VPS50: variants seen among roughly 807,000 people sequenced by gnomAD.
VPS50 encodes the protein syndetin.
In VPS50, 70 loss-of-function variants were observed where a neutral mutation model predicts 139.7. That is an observed-to-expected ratio of 0.50 (90% confidence interval 0.41 to 0.61). The LOEUF (loss-of-function observed/expected upper bound fraction) is 0.61. Ranked by LOEUF, VPS50 falls within the 20% of genes least tolerant of loss-of-function variation. VPS50 has a pLI of 0.00. For synonymous variants in VPS50, 365 were observed against 376.7 expected, an observed-to-expected ratio of 0.97 and a Z score of 0.36; for missense variants, 921 against 1,133.7, an observed-to-expected ratio of 0.81 and a Z score of 2.69.
chr7:93,243,727 A>G (rs1313122998), intron 2 of VPS50, among the ~76,000 whole-genome samples: 1 of 151,948 alleles, frequency 6.6e-6, no homozygotes, highest in Non-Finnish European at 1.5e-5. Context: ...GTTATAATAT[A>G]TGATAGTAGA....
chr7:93,234,567 A>G (rs1452430190), intron 1 of VPS50, among the ~76,000 whole-genome samples: 1 of 152,240 alleles, frequency 6.6e-6, no homozygotes, highest in Admixed American at 6.5e-5. Flanking sequence ...TCTATGAGGT[A>G]TGAAATTAGT....
intron 23 of VPS50, among the ~76,000 whole-genome samples, chr7:93,343,034 C>T (rs1194650728): frequency 5.9e-5 from 9 of 152,024 alleles, no homozygotes; most frequent in Non-Finnish European, 1.0e-4. Flanking sequence ...CAAATTACTC[C>T]GAGCTACGGG....
intron 12 of VPS50, among the ~76,000 whole-genome samples, chr7:93,282,242 A>G (rs1481735199): frequency 6.6e-6 from 1 of 151,926 alleles, no homozygotes; most frequent in East Asian, 1.9e-4. Context: ...CTATTTCAGT[A>G]AATATGCTAC....
chr7:93,320,952 G>A (rs1221897908), intron 20 of VPS50: 1 of 152,266 alleles, frequency 6.6e-6, no homozygotes, highest in African/African-American at 2.4e-5. Flanking sequence ...TTCCATCAAC[G>A]TGTTCCCATC....
chr7:93,233,318 C>T (rs1157006224), intron 1 of VPS50, among the ~76,000 whole-genome samples: 1 of 152,092 alleles, frequency 6.6e-6, no homozygotes, highest in Non-Finnish European at 1.5e-5. Context: ...TAGAATTGGT[C>T]ATTTTATTAT....
chr7:93,352,719 C>T (rs1798593352), intron 25 of VPS50, among the ~76,000 whole-genome samples: 1 of 152,170 alleles, frequency 6.6e-6, no homozygotes, highest in Non-Finnish European at 1.5e-5. Flanking sequence ...GCTAAACCTT[C>T]TGCTCTTTCC....
chr7:93,353,533 G>T, intron 25 of VPS50, 107 bp from the exon 26 acceptor site: 1 of 1,254,670 alleles, frequency 8.0e-7, no homozygotes, highest in Non-Finnish European at 1.1e-6. Context: ...ATTTTACTTG[G>T]TTTGATTCTG....
chr7:93,339,828 A>T (rs1183658521), intron 22 of VPS50, among the ~76,000 whole-genome samples: 3 of 152,196 alleles, frequency 2.0e-5, no homozygotes, highest in African/African-American at 7.2e-5. Flanking sequence ...GATTAACTTT[A>T]AAAAAGATAA....
At position 93,261,767 on chromosome 7, in the gene VPS50, G is replaced by A. The variant is rs1454382453; in HGVS notation, c.659+2135G>A. Among the ~76,000 whole-genome samples, 5 of 151,908 alleles carry A rather than the reference G, an allele frequency of 3.3e-5. No homozygotes were observed. In the South Asian group the frequency reaches 8.3e-4, roughly 25 times the overall value. ...AGCATTCGGATCTAACTCTCCTTCC[G>A]GGATCAAGACTAAGGAGGACCTGAA... On this transcript the variant is annotated intron_variant, in intron 9 of 27. Transcript: ENST00000305866.
At chr7:93,265,877 A>T (rs565955977) in intron 9 of VPS50, among the ~76,000 whole-genome samples, 3 of 152,124 alleles carry the variant, frequency 2.0e-5, no homozygotes, top group Non-Finnish European at 4.4e-5. Context: ...AAGGTCAGGG[A>T]TTTATTAACA....
At chr7:93,286,356 G>C (rs1237889568) in intron 12 of VPS50, among the ~76,000 whole-genome samples, 10 of 152,100 alleles carry the variant, frequency 6.6e-5, no homozygotes, top group African/African-American at 1.2e-4. Flanking sequence ...GATATTCCTA[G>C]TATTATGCCA....
chr7:93,344,050 T>G (rs1043939840), intron 23 of VPS50, among the ~76,000 whole-genome samples: 2 of 151,824 alleles, frequency 1.3e-5, no homozygotes, highest in African/African-American at 2.4e-5. Context: ...GGATAAAGAG[T>G]CAAGACCCAT....
At chr7:93,277,351 C>T (rs760139849) in intron 12 of VPS50, among the ~76,000 whole-genome samples, 4 of 152,146 alleles carry the variant, frequency 2.6e-5, no homozygotes, top group Non-Finnish European at 1.5e-5. Context: ...CTTCCTTTAG[C>T]CTAAGAATGC....
At position 93,353,762 on chromosome 7, in the gene VPS50, G is replaced by A. The variant is rs1798622942; in HGVS notation, c.2585+1G>A. The A allele has an allele frequency of 6.3e-7, 1 of 1,598,158 alleles. No individual in the cohort carries two copies. The highest frequency in any genetic ancestry group is 1.8e-5 in the Admixed American group (1 of 57,130). ...TGGCTAATCGAACTATTGTAGAAGGGTAAGTTTTTCATGAAAGCATTATTT... is the reference window on the plus strand; with the variant it reads ...TGGCTAATCGAACTATTGTAGAAGGATAAGTTTTTCATGAAAGCATTATTT... On this transcript the variant is annotated splice_donor_variant, in intron 26 of 27. Coordinates refer to ENST00000305866, the MANE Select transcript of VPS50 (RefSeq NM_017667.4). LOFTEE classifies it high-confidence loss of function.
At chr7:93,333,795 GTAA>G in intron 21 of VPS50, 2 of 313,220 alleles carry the variant, frequency 6.4e-6, no homozygotes, top group Non-Finnish European at 1.2e-5. Flanking sequence ...ACAACAGAGT[GTAA>G]TATGTTTATC....
chr7:93,294,886 G>C (rs1429936334), intron 14 of VPS50, among the ~76,000 whole-genome samples: 3 of 152,106 alleles, frequency 2.0e-5, no homozygotes, highest in African/African-American at 4.8e-5. Flanking sequence ...TTTTGTTTTA[G>C]AGGCCTAGCA....
At chr7:93,241,787 A>AT (rs1425094097) in intron 2 of VPS50, among the ~76,000 whole-genome samples, 1 of 152,028 alleles carries the variant, frequency 6.6e-6, no homozygotes. Flanking sequence ...TGTAGCTTTA[A>AT]TGTTCAGTAT....
At chr7:93,303,399 A>G (rs573882009) in intron 16 of VPS50, 61 bp from the exon 17 acceptor site, 130 of 680,176 alleles carry the variant, frequency 1.9e-4, no homozygotes, top group Admixed American at 6.8e-4. Context: ...TATTTCCTCA[A>G]TTCTTGTGTG....
Position 93,287,000 on chromosome 7 carries a change from T to G in VPS50, c.943-4703T>G, listed in dbSNP as rs939944367. Among the ~76,000 whole-genome samples the G allele has an allele frequency of 2.6e-5, 4 of 151,250 alleles. No individual in the cohort carries two copies. The East Asian group carries it at 7.7e-4, about 29-fold the overall frequency. On this transcript the variant is annotated intron_variant, in intron 12 of 27. Transcript: ENST00000305866. ...AAATTTGTTGAAAACGTTGTTTTTT[T>G]TTTTTTTTTAAAAAAAAAACTACCC... is the stretch of plus-strand genomic sequence containing the variant.
Sources: allele counts gnomAD v4.1 joint callset (sites outside exome capture counted in the v4.1 genomes callset), GRCh38; gene constraint gnomAD v4.1.1; transcripts MANE v1.5; gene names NCBI Gene and HGNC (gene_info 2026-07-23, HGNC 2026-07-21).